PDE12: variants seen among roughly 807,000 people sequenced by gnomAD.
PDE12 encodes 2',5'-phosphodiesterase 12.
A neutral mutation model predicts 45.4 loss-of-function variants in PDE12; 26 were observed. The observed-to-expected ratio is 0.57, with a 90% CI of 0.42 to 0.79. The LOEUF is 0.79. PDE12 is among the 30% of genes least tolerant of loss of function. The probability of loss-of-function intolerance (pLI) is 0.00; values close to 1 mark genes in which losing one functional copy is unlikely to be tolerated. For missense variants in PDE12, 668 were observed against 790.0 expected, an observed-to-expected ratio of 0.85 and a Z score of 1.85; for synonymous variants, 283 against 323.9, an observed-to-expected ratio of 0.87 and a Z score of 1.36.
At chr3:57,653,115 G>A in the PDE12 span, among the ~76,000 whole-genome samples, 1 of 152,018 alleles carries the variant, frequency 6.6e-6, no homozygotes, top group East Asian at 1.9e-4. Flanking sequence ...ACTACCAAAT[G>A]GTTTGGGAAA....
chr3:57,639,565 C>T, the PDE12 span, among the ~76,000 whole-genome samples: 1 of 152,162 alleles, frequency 6.6e-6, no homozygotes, highest in Admixed American at 6.5e-5. Flanking sequence ...CATATCATCT[C>T]ATATCCAAGA....
At chr3:57,627,128 T>A in the PDE12 span, 1 of 152,164 alleles carries the variant, frequency 6.6e-6, no homozygotes, top group Non-Finnish European at 1.5e-5. Flanking sequence ...TAATAATATT[T>A]AAATTAGTAT....
the PDE12 span, among the ~76,000 whole-genome samples, chr3:57,612,395 A>C: frequency 6.6e-6 from 1 of 152,242 alleles, no homozygotes; most frequent in Admixed American, 6.5e-5. Context: ...TATAATAATA[A>C]AAAAAGATGT....
chr3:57,571,347 A>G (rs1473006087), downstream of PDE12: 1 of 152,542 alleles, frequency 6.6e-6, no homozygotes, highest in Non-Finnish European at 1.5e-5. Context: ...TCAAAACTCA[A>G]AAAGAACACA....
At chr3:57,581,241 G>T in the PDE12 span, among the ~76,000 whole-genome samples, 1 of 152,180 alleles carries the variant, frequency 6.6e-6, no homozygotes, top group East Asian at 1.9e-4. Context: ...AGTAATGCTG[G>T]GAATGCAAGC....
chr3:57,599,590 T>A, the PDE12 span, among the ~76,000 whole-genome samples: 1 of 152,186 alleles, frequency 6.6e-6, no homozygotes, highest in Admixed American at 6.6e-5. Context: ...TCGAAAGAAT[T>A]CTGTTCTCCA....
chr3:57,622,860 A>G, the PDE12 span, among the ~76,000 whole-genome samples: 1 of 152,234 alleles, frequency 6.6e-6, no homozygotes, highest in Non-Finnish European at 1.5e-5. Context: ...AAGAGTATAT[A>G]CTGTATGATT....
chr3:57,653,748 A>C, the PDE12 span, among the ~76,000 whole-genome samples: 1 of 149,878 alleles, frequency 6.7e-6, no homozygotes. Flanking sequence ...TCCATCTAAA[A>C]AAAAAAAAAA....
chr3:57,655,277 C>T, the PDE12 span, among the ~76,000 whole-genome samples: 3 of 152,206 alleles, frequency 2.0e-5, no homozygotes, highest in Non-Finnish European at 4.4e-5. Context: ...TCATGATCCG[C>T]CCGCCTCGGC....
chr3:57,593,573 A>G, the PDE12 span, among the ~76,000 whole-genome samples: 1 of 152,218 alleles, frequency 6.6e-6, no homozygotes, highest in African/African-American at 2.4e-5. Flanking sequence ...TAAAAGTAAC[A>G]CTTTTTCAGC....
At chr3:57,580,094 G>A in the PDE12 span, among the ~76,000 whole-genome samples, 2 of 152,108 alleles carry the variant, frequency 1.3e-5, no homozygotes, top group Non-Finnish European at 2.9e-5. Context: ...AACAGAGTGA[G>A]ACCCCATCTC....
At chr3:57,651,159 C>G in the PDE12 span, among the ~76,000 whole-genome samples, 1 of 152,150 alleles carries the variant, frequency 6.6e-6, no homozygotes, top group East Asian at 1.9e-4. Flanking sequence ...GGTCGACTTA[C>G]AATTTTTAAC....
At chr3:57,569,829 CAA>C (rs11310053), downstream of PDE12, among the ~76,000 whole-genome samples, 147 of 67,882 alleles carry the variant, frequency 2.2e-3, no homozygotes, top group East Asian at 0.04. Flanking sequence ...AAAACCATCT[CAA>C]AAAAAAAAAA....
the PDE12 span, among the ~76,000 whole-genome samples, chr3:57,604,171 C>T: frequency 6.6e-6 from 1 of 152,006 alleles, no homozygotes; most frequent in East Asian, 1.9e-4. Flanking sequence ...ATCCACCCAC[C>T]TTGGCCTCCC....
the PDE12 span, among the ~76,000 whole-genome samples, chr3:57,605,283 A>C: frequency 2.6e-5 from 4 of 152,154 alleles, no homozygotes; most frequent in Non-Finnish European, 5.9e-5. Context: ...AAAGAGAGAG[A>C]GCTGCAGAAG....
chr3:57,602,752 G>A, the PDE12 span, among the ~76,000 whole-genome samples: 8 of 151,972 alleles, frequency 5.3e-5, no homozygotes, highest in South Asian at 1.5e-3. Flanking sequence ...TGTAGTTTTA[G>A]TAGAGACGGT....
chr3:57,606,814 A>T, the PDE12 span, among the ~76,000 whole-genome samples: 2 of 152,168 alleles, frequency 1.3e-5, no homozygotes, highest in South Asian at 4.2e-4. Context: ...GCCGAATAGG[A>T]ACAGCTCCAG....
Position 57,560,732 on chromosome 3 carries a change from G to T in PDE12, c.*728G>T, listed in dbSNP as rs1408543331. 1 of 984,262 alleles carries T rather than the reference G, an allele frequency of 1.0e-6. No homozygotes were observed. Among genetic ancestry groups the T allele is most frequent in the African/African-American group, 1.7e-5 (1 of 57,180 alleles). 61.0% of individuals were successfully genotyped at this position (984,262 alleles called of 1,614,324 possible). Reference sequence around the variant, plus strand: ...CTTTCATGACAACACATTCCAAAATGAATCATGCTTATGTACTAAGAGGGA... The same window carrying T: ...CTTTCATGACAACACATTCCAAAATTAATCATGCTTATGTACTAAGAGGGA... On this transcript the variant is annotated 3_prime_UTR_variant, in exon 3 of 3. Transcript: ENST00000311180.
At position 57,560,652 on chromosome 3, in the gene PDE12, T is replaced by C; in HGVS notation, c.*648T>C. ...TTGTGTACATTTTTATAAGAGAATTTTTTTAGCTAGGAGTTCAGAATTTTT... is the reference window on the plus strand; with the variant it reads ...TTGTGTACATTTTTATAAGAGAATTCTTTTAGCTAGGAGTTCAGAATTTTT... On this transcript the variant is annotated 3_prime_UTR_variant, in exon 3 of 3. Coordinates refer to ENST00000311180, the MANE Select transcript of PDE12 (RefSeq NM_177966.7). 1 of 985,366 alleles carries C rather than the reference T, an allele frequency of 1.0e-6. No homozygotes were observed. Among genetic ancestry groups the C allele is most frequent in the Non-Finnish European group, 1.2e-6 (1 of 829,852 alleles). 61.0% of individuals were successfully genotyped at this position (985,366 alleles called of 1,614,324 possible).
Sources: gnomAD v4.1 joint callset for allele counts (sites outside exome capture counted in the v4.1 genomes callset) on GRCh38, gnomAD v4.1.1 for gene constraint, MANE v1.5 for transcripts, NCBI Gene and HGNC (gene_info 2026-07-23, HGNC 2026-07-21) for gene names.